Variants in COL24A1 observed in about 807,000 individuals in gnomAD.
COL24A1 encodes the protein collagen type XXIV alpha 1 chain.
In COL24A1, 224 loss-of-function variants were observed where a neutral mutation model predicts 253.9. That is an observed-to-expected ratio of 0.88 (90% confidence interval 0.79 to 0.99). The LOEUF (loss-of-function observed/expected upper bound fraction) is 0.99. Among genes scored for constraint, COL24A1 ranks in the 50% least tolerant of loss-of-function variants. COL24A1 has a pLI of 0.00. For missense variants in COL24A1, 2,131 were observed against 2,068.5 expected, an observed-to-expected ratio of 1.03 and a Z score of -0.59; for synonymous variants, 685 against 673.7, an observed-to-expected ratio of 1.02 and a Z score of -0.26.
At chr1:85,731,017 T>A (rs1346158309) in intron 59 of COL24A1, among the ~76,000 whole-genome samples, 2 of 152,232 alleles carry the variant, frequency 1.3e-5, no homozygotes, top group African/African-American at 4.8e-5. Context: ...TAACCATCTG[T>A]TCTGTATTCC....
intron 37 of COL24A1, among the ~76,000 whole-genome samples, chr1:85,865,715 T>A (rs185237736): frequency 7.9e-5 from 12 of 152,354 alleles, no homozygotes; most frequent in African/African-American, 2.9e-4. Context: ...GTTGATTTTT[T>A]AAATATACAT....
intron 55 of COL24A1, among the ~76,000 whole-genome samples, chr1:85,757,678 A>G (rs907834976): frequency 3.9e-5 from 6 of 152,196 alleles, no homozygotes; most frequent in African/African-American, 1.4e-4. Flanking sequence ...AGGTATTCAC[A>G]AAGCCTAGCT....
At chr1:85,826,165 C>T (rs552672201) in intron 43 of COL24A1, among the ~76,000 whole-genome samples, 9 of 140,642 alleles carry the variant, frequency 6.4e-5, no homozygotes, top group Admixed American at 5.9e-4. Context: ...TTCCTAGCAC[C>T]ATTTATGAAA....
chr1:85,882,252 C>T (rs1366388214), intron 32 of COL24A1, among the ~76,000 whole-genome samples: 9 of 151,990 alleles, frequency 5.9e-5, no homozygotes, highest in African/African-American at 1.7e-4. Flanking sequence ...CTGAGGCGGG[C>T]GGTTCACGAG....
chr1:86,089,096 G>T, intron 7 of COL24A1, 78 bp downstream of exon 7: 2 of 1,152,772 alleles, frequency 1.7e-6, no homozygotes, highest in Non-Finnish European at 2.5e-6. Context: ...TTATGTTTCA[G>T]AACAGGTATC....
intron 57 of COL24A1, among the ~76,000 whole-genome samples, chr1:85,738,027 AGT>A (rs554628175): frequency 5.8e-4 from 89 of 152,334 alleles, no homozygotes; most frequent in Middle Eastern, 6.8e-3. Context: ...TCAATTTCAG[AGT>A]GTTTCATAAT....
intron 19 of COL24A1, among the ~76,000 whole-genome samples, chr1:85,990,893 G>T (rs1694190570): frequency 6.6e-6 from 1 of 152,166 alleles, no homozygotes; most frequent in Admixed American, 6.5e-5. Context: ...GAAGAATCAA[G>T]AATTTGTTCT....
chr1:85,877,221 A>C (rs1681281399), intron 32 of COL24A1, 46 bp from the exon 33 acceptor site: 1 of 1,312,566 alleles, frequency 7.6e-7, no homozygotes, highest in Admixed American at 2.2e-5. Flanking sequence ...AGTTTACTCT[A>C]TGTCAGTAAA....
At chr1:86,139,630 CTT>C (rs1650793265) in intron 2 of COL24A1, among the ~76,000 whole-genome samples, 3 of 152,082 alleles carry the variant, frequency 2.0e-5, no homozygotes, top group Admixed American at 6.6e-5. Flanking sequence ...AGAGTTAACT[CTT>C]AACTATTAAA....
intron 28 of COL24A1, 34 bp downstream of exon 28, chr1:85,907,160 G>T: frequency 1.3e-6 from 2 of 1,561,038 alleles, no homozygotes; most frequent in Non-Finnish European, 1.8e-6. Flanking sequence ...TAATTTTGGG[G>T]GGGTTAATGT....
chr1:85,841,393 T>G (rs758657849), intron 41 of COL24A1, 115 bp from the exon 42 acceptor site: 8 of 688,904 alleles, frequency 1.2e-5, no homozygotes, highest in Non-Finnish European at 1.9e-5. Flanking sequence ...TATCTTTTTT[T>G]AAGTGGAAAA....
intron 3 of COL24A1, 106 bp downstream of exon 3, chr1:86,124,739 C>T: frequency 1.3e-6 from 1 of 755,534 alleles, no homozygotes; most frequent in Non-Finnish European, 1.9e-6. Flanking sequence ...CAGACTTTAT[C>T]TGTTATGTAT....
At chr1:85,955,576 C>T (rs539207439) in intron 24 of COL24A1, among the ~76,000 whole-genome samples, 1 of 152,248 alleles carries the variant, frequency 6.6e-6, no homozygotes, top group Non-Finnish European at 1.5e-5. Context: ...TACGCACTAC[C>T]TGCCTGTCTG....
At position 85,957,534 on chromosome 1, in the gene COL24A1, C is replaced by G. The variant is rs774723024; in HGVS notation, c.2562+3715G>C. Among the ~76,000 whole-genome samples, 86 of 152,196 alleles carry G rather than the reference C, an allele frequency of 5.7e-4. No homozygotes were observed. The Middle Eastern group carries it at 0.01, about 18-fold the overall frequency. Reference sequence around the variant, plus strand: ...TGCTTCCAGAATATTCCTGATAAATCCTAAATAGTTTAGTTATCAAAGGCC... The same window carrying G: ...TGCTTCCAGAATATTCCTGATAAATGCTAAATAGTTTAGTTATCAAAGGCC... On this transcript the variant is annotated intron_variant, in intron 24 of 59. Transcript: ENST00000370571.
chr1:86,153,333 G>A (rs1653031856), intron 1 of COL24A1, among the ~76,000 whole-genome samples: 1 of 151,192 alleles, frequency 6.6e-6, no homozygotes, highest in African/African-American at 2.4e-5. Context: ...CTGTGGATCT[G>A]TCATACTCAA....
rs202086318 is a variant in COL24A1 at position 85,740,751 on chromosome 1, C to T, written c.4673-3246G>A. ...TCTCCCAAAGTGCTGGGATTACAGG[C>T]ATGAGCCATTGCACCTGGCCTGCCT... is the stretch of plus-strand genomic sequence containing the variant. On this transcript the variant is annotated intron_variant, in intron 57 of 59. Coordinates refer to ENST00000370571, the MANE Select transcript of COL24A1 (RefSeq NM_152890.7). 3.6e-4 allele frequency among the ~76,000 whole-genome samples: 54 copies of T among 149,846 alleles called. No individual in the cohort carries two copies. In the East Asian group the frequency reaches 9.3e-3, roughly 26 times the overall value.
intron 53 of COL24A1, among the ~76,000 whole-genome samples, chr1:85,770,321 C>G (rs112114131): frequency 7.4e-5 from 11 of 148,830 alleles, no homozygotes; most frequent in African/African-American, 2.5e-4. Flanking sequence ...AAAAAAAAAT[C>G]TCAGCTGTGA....
intron 43 of COL24A1, among the ~76,000 whole-genome samples, chr1:85,831,721 C>T (rs529439248): frequency 1.1e-4 from 17 of 151,976 alleles, no homozygotes; most frequent in African/African-American, 3.1e-4. Context: ...ATGAGTGTTC[C>T]GGGCAGTAAA....
intron 10 of COL24A1, among the ~76,000 whole-genome samples, chr1:86,057,114 G>A (rs573676131): frequency 3.5e-4 from 54 of 152,188 alleles, no homozygotes; most frequent in African/African-American, 1.2e-3. Flanking sequence ...CGGATCCCTC[G>A]TGGATGGTTT....
Sources: gnomAD v4.1 joint callset for allele counts (sites outside exome capture counted in the v4.1 genomes callset) on GRCh38, gnomAD v4.1.1 for gene constraint, MANE v1.5 for transcripts, NCBI Gene and HGNC (gene_info 2026-07-23, HGNC 2026-07-21) for gene names.